The following CDH13 variants were observed in gnomAD, a reference collection of about 807,000 sequenced individuals.
CDH13 encodes cadherin-13.
A neutral mutation model predicts 63.8 loss-of-function variants in CDH13; 24 were observed. That is an observed-to-expected ratio of 0.38 (90% CI 0.27 to 0.53). The LOEUF (loss-of-function observed/expected upper bound fraction) is 0.53, where lower values mean the gene tolerates loss of function less well. Among genes scored for constraint, CDH13 ranks in the 20% least tolerant of loss-of-function variants. The pLI, the probability that CDH13 is intolerant of heterozygous loss-of-function variation, is 0.85. For synonymous variants in CDH13, 503 were observed against 355.3 expected (o/e 1.42, Z -4.67); for missense variants, 1,049 against 903.1 (o/e 1.16, Z -2.07).
In CDH13 at chr16:83,326,110, T is replaced by C. The variant is rs541760302; in HGVS notation, c.637-18752T>C. ...TTGATAGCAATACCAGAACACAGTATTGGGGATAAGCCCAGTGTCAGTGTG... is the reference window on the plus strand; with the variant it reads ...TTGATAGCAATACCAGAACACAGTACTGGGGATAAGCCCAGTGTCAGTGTG... On this transcript the variant is annotated intron_variant, in intron 5 of 13. Coordinates refer to ENST00000567109, the MANE Select transcript of CDH13 (RefSeq NM_001257.5). Among the ~76,000 whole-genome samples, 87 of 152,272 alleles carry C rather than the reference T, an allele frequency of 5.7e-4. 1 individual carries two copies. Among genetic ancestry groups the C allele is most frequent in the Non-Finnish European group, 8.5e-4 (58 of 68,024 alleles).
chr16:82,988,981 G>A (rs1455285510), intron 2 of CDH13, among the ~76,000 whole-genome samples: 1 of 152,112 alleles, frequency 6.6e-6, no homozygotes, highest in African/African-American at 2.4e-5. Context: ...AAAGACCTAA[G>A]TGAGCCCTCT....
chr16:82,799,344 C>G (rs4598906), intron 1 of CDH13, among the ~76,000 whole-genome samples: 1 of 152,024 alleles, frequency 6.6e-6, no homozygotes. Flanking sequence ...GGCACCCAAT[C>G]CCCACTTGGA....
chr16:83,005,268 A>T (rs1440502064), intron 2 of CDH13, among the ~76,000 whole-genome samples: 2 of 152,292 alleles, frequency 1.3e-5, no homozygotes, highest in East Asian at 3.9e-4. Flanking sequence ...GTCTCCACTC[A>T]AAGATTAAGT....
chr16:83,354,196 A>T (rs2091011165), intron 6 of CDH13, among the ~76,000 whole-genome samples: 1 of 152,204 alleles, frequency 6.6e-6, no homozygotes, highest in Admixed American at 6.5e-5. Flanking sequence ...CCTAGCACAG[A>T]ACGTGCTCAC....
At chr16:83,631,162 A>G (rs1910746799) in intron 8 of CDH13, among the ~76,000 whole-genome samples, 1 of 152,174 alleles carries the variant, frequency 6.6e-6, no homozygotes, top group African/African-American at 2.4e-5. Flanking sequence ...AACGAGCGCA[A>G]GTTGTAAAGG....
intron 10 of CDH13, among the ~76,000 whole-genome samples, chr16:83,717,410 C>G (rs1276342096): frequency 6.6e-6 from 1 of 151,668 alleles, no homozygotes; most frequent in Non-Finnish European, 1.5e-5. Flanking sequence ...TCTGTCTGAA[C>G]TGCCTGGTTC....
intron 2 of CDH13, among the ~76,000 whole-genome samples, chr16:82,861,907 T>C (rs926225258): frequency 1.3e-4 from 20 of 152,328 alleles, no homozygotes; most frequent in Non-Finnish European, 2.6e-4. Context: ...TCAGGGAAAC[T>C]TGGGTAAAAC....
intron 1 of CDH13, among the ~76,000 whole-genome samples, chr16:82,788,184 G>GTCCT (rs1445486095): frequency 6.6e-6 from 1 of 152,040 alleles, no homozygotes; most frequent in Non-Finnish European, 1.5e-5. Flanking sequence ...AGAGAGAGAG[G>GTCCT]AAAAAAACAA....
intron 2 of CDH13, among the ~76,000 whole-genome samples, chr16:82,959,056 G>T (rs967944031): frequency 6.6e-6 from 1 of 152,160 alleles, no homozygotes; most frequent in Non-Finnish European, 1.5e-5. Flanking sequence ...CCCCAGCAGT[G>T]TTCATGATCT....
At chr16:83,493,584 T>TCGTGG in intron 7 of CDH13, among the ~76,000 whole-genome samples, 1 of 152,132 alleles carries the variant, frequency 6.6e-6, no homozygotes, top group Admixed American at 6.5e-5. Flanking sequence ...AGGAGTGGCA[T>TCGTGG]GGACAAAGGC....
At chr16:83,379,157 CT>C (rs2091510964) in intron 6 of CDH13, among the ~76,000 whole-genome samples, 1 of 152,096 alleles carries the variant, frequency 6.6e-6, no homozygotes, top group African/African-American at 2.4e-5. Context: ...TATTCTTAGC[CT>C]TTTTAAAATA....
intron 7 of CDH13, among the ~76,000 whole-genome samples, chr16:83,596,198 G>C (rs1234349213): frequency 6.6e-6 from 1 of 152,218 alleles, no homozygotes; most frequent in Non-Finnish European, 1.5e-5. Context: ...TGACAGGGCA[G>C]CTGGACAAGT....
At chr16:82,810,786 A>G (rs2037402942) in intron 1 of CDH13, among the ~76,000 whole-genome samples, 1 of 152,094 alleles carries the variant, frequency 6.6e-6, no homozygotes, top group East Asian at 1.9e-4. Flanking sequence ...AAGCTGGACC[A>G]TGCAGAGCCT....
At chr16:83,319,657 G>A (rs10514581) in intron 5 of CDH13, among the ~76,000 whole-genome samples, 47,811 of 152,024 alleles carry the variant, frequency 0.31, 7,583 homozygotes, top group East Asian at 0.47. Context: ...GGAGTGTAGC[G>A]AGTTTCATAA....
chr16:82,866,682 T>C (rs1225133843), intron 2 of CDH13, among the ~76,000 whole-genome samples: 2 of 152,138 alleles, frequency 1.3e-5, no homozygotes, highest in South Asian at 2.1e-4. Flanking sequence ...AGAGGTTCAA[T>C]TGACTCACAG....
At chr16:82,736,656 T>C (rs1191625912) in intron 1 of CDH13, among the ~76,000 whole-genome samples, 1 of 152,206 alleles carries the variant, frequency 6.6e-6, no homozygotes, top group Admixed American at 6.5e-5. Flanking sequence ...AAGTCTCCCA[T>C]GGTTAATACG....
chr16:83,380,478 T>TA (rs1357568412), intron 6 of CDH13, among the ~76,000 whole-genome samples: 1 of 152,190 alleles, frequency 6.6e-6, no homozygotes, highest in Non-Finnish European at 1.5e-5. Context: ...TCTATCTACC[T>TA]ACCTAATTTA....
chr16:82,788,931 C>G (rs1291009911), intron 1 of CDH13, among the ~76,000 whole-genome samples: 6 of 152,156 alleles, frequency 3.9e-5, no homozygotes, highest in Admixed American at 1.3e-4. Context: ...CTGAGCAGGA[C>G]TTGGGCACAG....
chr16:83,362,646 G>A (rs1443368716), intron 6 of CDH13, among the ~76,000 whole-genome samples: 3 of 152,186 alleles, frequency 2.0e-5, no homozygotes, highest in African/African-American at 7.2e-5. Flanking sequence ...AATCAGAGGG[G>A]GAACCATGTA....
Sources: gnomAD v4.1 joint callset for allele counts (sites outside exome capture counted in the v4.1 genomes callset) on GRCh38, gnomAD v4.1.1 for gene constraint, MANE v1.5 for transcripts, NCBI Gene and HGNC (gene_info 2026-07-23, HGNC 2026-07-21) for gene names.